FAM107A: variants seen among roughly 807,000 people sequenced by gnomAD.
The protein encoded by FAM107A is actin-associated protein FAM107A.
A neutral mutation model predicts 13.7 loss-of-function variants in FAM107A; 19 were observed. The ratio of observed to expected loss-of-function variants is 1.38; its 90% CI spans 0.97 to 2.03. The LOEUF is 2.03. FAM107A is among the 30% of genes most tolerant of loss of function. FAM107A has a pLI of 0.00. For synonymous variants in FAM107A, 82 were observed against 74.5 expected, an observed-to-expected ratio of 1.10 and a Z score of -0.52; for missense variants, 203 against 184.4, an observed-to-expected ratio of 1.10 and a Z score of -0.58.
At position 58,566,462 on chromosome 3, in the gene FAM107A, T is replaced by C. The variant is rs1182576423; in HGVS notation, c.*126A>G. The C allele has an allele frequency of 1.3e-5, 9 of 712,510 alleles. No homozygotes were observed. The South Asian group carries it at 1.4e-4, about 11-fold the overall frequency. The allele number at this position is 712,510 out of a possible 1,614,324, so 44.1% of individuals were successfully genotyped here. Reference sequence around the variant, plus strand: ...GCCAGGCCCTCTGGGGTGACACATTTCTACAGAAGCAGGTGGGAACATCAC... The same window carrying C: ...GCCAGGCCCTCTGGGGTGACACATTCCTACAGAAGCAGGTGGGAACATCAC... On this transcript the variant is annotated 3_prime_UTR_variant, in exon 4 of 4. Transcript: ENST00000360997.
At chr3:58,595,098 C>A (rs1423036480) in intron 1 of FAM107A, among the ~76,000 whole-genome samples, 1 of 151,904 alleles carries the variant, frequency 6.6e-6, no homozygotes, top group East Asian at 1.9e-4. Context: ...CCAAATCTTT[C>A]TTCAGTTTAA....
chr3:58,624,767 CGCT>C lies in FAM107A; in HGVS notation c.-70+2646_-70+2648del, dbSNP rs1432591492. On this transcript the variant is annotated intron_variant, in intron 1 of 3. Coordinates refer to the FAM107A transcript ENST00000465970. Reference sequence around the variant, plus strand: ...TGCCTAAGAGGAATAGAAGCAACAACGCTGTGTTTTGACTCCTGGCCCAGGGGT... The same window carrying C: ...TGCCTAAGAGGAATAGAAGCAACAACGTGTTTTGACTCCTGGCCCAGGGGT... Among the ~76,000 whole-genome samples, 13 of 150,366 alleles carry C rather than the reference CGCT, an allele frequency of 8.6e-5. No individual in the cohort carries two copies. The East Asian group carries it at 2.6e-3, about 30-fold the overall frequency.
Position 58,604,269 on chromosome 3 carries a change from G to A in FAM107A, c.-69-15000C>T, listed in dbSNP as rs2065775319. Among the ~76,000 whole-genome samples, 1 of 152,022 alleles carries A rather than the reference G, an allele frequency of 6.6e-6. No individual in the cohort carries two copies. The highest frequency in any genetic ancestry group is 1.5e-5 in the Non-Finnish European group (1 of 68,004). On this transcript the variant is annotated intron_variant, in intron 1 of 3. Transcript: ENST00000465970. The surrounding 1 kb of genome is among the most constrained non-coding windows in gnomAD (Gnocchi z 4.1). ...CCCACAATTCAACATTATTATACTT[G>A]GGAGAGTGACATCCCAACTCGTGCT...
chr3:58,622,623 G>T (rs548392050), intron 1 of FAM107A, among the ~76,000 whole-genome samples: 8 of 152,342 alleles, frequency 5.3e-5, no homozygotes, highest in African/African-American at 1.7e-4. Context: ...AGCAGGTGGG[G>T]CAAGCCCTGC....
upstream of FAM107A, among the ~76,000 whole-genome samples, chr3:58,588,405 G>C (rs1244750846): frequency 6.6e-6 from 1 of 152,178 alleles, no homozygotes; most frequent in Non-Finnish European, 1.5e-5. Flanking sequence ...TCCAGCTTCT[G>C]CTCTGACTCA....
At chr3:58,627,300 CTG>C (rs1182338900) in intron 1 of FAM107A, 2 of 426,540 alleles carry the variant, frequency 4.7e-6, no homozygotes, top group Non-Finnish European at 8.4e-6. Context: ...GGAAGGGAAA[CTG>C]AGGCAGCTGG....
intron 1 of FAM107A, among the ~76,000 whole-genome samples, chr3:58,624,481 C>A (rs2065990608): frequency 6.6e-6 from 1 of 150,914 alleles, no homozygotes; most frequent in South Asian, 2.1e-4. Flanking sequence ...CTCTGCCCAC[C>A]CCACAGCTGG....
upstream of FAM107A, among the ~76,000 whole-genome samples, chr3:58,587,732 T>C (rs1248763906): frequency 6.6e-6 from 1 of 152,060 alleles, no homozygotes; most frequent in African/African-American, 2.4e-5. Flanking sequence ...GCCAATCAGG[T>C]CTAAAGGTGG....
Position 58,567,376 on chromosome 3 carries a change from A to T in FAM107A, c.171-12T>A. On this transcript the variant is annotated splice_polypyrimidine_tract_variant and intron_variant, in intron 2 of 3. Coordinates refer to ENST00000360997, the MANE Select transcript of FAM107A (RefSeq NM_001076778.3). ...CCACACCAAGGCCCCTGGGGTGGGA[A>T]GTGGGGAGCTGTCAGGAGACCATCA... 1 of 1,606,398 alleles carries T rather than the reference A, an allele frequency of 6.2e-7. No individual in the cohort carries two copies. Among genetic ancestry groups the T allele is most frequent in the East Asian group, 2.2e-5 (1 of 44,568 alleles).
chr3:58,608,195 T>C (rs1028051840), intron 1 of FAM107A, among the ~76,000 whole-genome samples: 1 of 152,136 alleles, frequency 6.6e-6, no homozygotes, highest in Non-Finnish European at 1.5e-5. Context: ...AGATAATAAA[T>C]AGAAAGCACC....
At chr3:58,605,344 C>T (rs1007603367) in intron 1 of FAM107A, among the ~76,000 whole-genome samples, 3 of 152,238 alleles carry the variant, frequency 2.0e-5, no homozygotes, top group Non-Finnish European at 1.5e-5. Flanking sequence ...ACCTGTGGGT[C>T]ATGGGGGACC....
At chr3:58,618,040 C>T (rs2108084000) in intron 1 of FAM107A, among the ~76,000 whole-genome samples, 1 of 152,244 alleles carries the variant, frequency 6.6e-6, no homozygotes, top group African/African-American at 2.4e-5. Context: ...ACATCGATAC[C>T]TTTGTGGCTG....
intron 1 of FAM107A, among the ~76,000 whole-genome samples, chr3:58,626,758 G>A (rs11708352): frequency 0.078 from 11,853 of 152,200 alleles, 508 homozygotes; most frequent in African/African-American, 0.099. Flanking sequence ...GGCTGCCCCC[G>A]AGTCTGTCCT....
intron 1 of FAM107A, among the ~76,000 whole-genome samples, chr3:58,602,798 A>T (rs112465722): frequency 0.01 from 1,536 of 152,340 alleles, 20 homozygotes; most frequent in African/African-American, 0.034. Flanking sequence ...TACTTATATC[A>T]ATTAAAGTAA....
At position 58,566,608 on chromosome 3, in the gene FAM107A, T is replaced by C. The variant is rs775820732; in HGVS notation, c.415A>G (p.Ser139Gly). 6.2e-7 allele frequency: 1 copy of C among 1,613,724 alleles called. No homozygotes were observed. Among genetic ancestry groups the C allele is most frequent in the Non-Finnish European group, 8.5e-7 (1 of 1,179,816 alleles). ...ENLRRIATLT[S>G]EEREL ...TGGCCCTACAGCTCTCTCTCTTCGC[T>C]GGTCAGTGTGGCAATTCTCCGCAGG... is the stretch of plus-strand genomic sequence containing the variant. Residue 139 changes from serine to glycine, a missense_variant, in exon 4 of 4, where the codon AGC becomes GGC. Ser to Gly is a moderately conservative substitution (Grantham distance 56). Transcript: ENST00000360997.
Position 58,569,104 on chromosome 3 carries a change from G to T in FAM107A, c.170+587C>A, listed in dbSNP as rs1253831014. Among the ~76,000 whole-genome samples, 4 of 152,088 alleles carry T rather than the reference G, an allele frequency of 2.6e-5. No homozygotes were observed. Among genetic ancestry groups the T allele is most frequent in the African/African-American group, 9.7e-5 (4 of 41,398 alleles). ...ATCCTTCTGCCCTGGCCTGCACCACGCAATCGATGCCCCAGGCACAGTGAG... is the reference window on the plus strand; with the variant it reads ...ATCCTTCTGCCCTGGCCTGCACCACTCAATCGATGCCCCAGGCACAGTGAG... On this transcript the variant is annotated intron_variant, in intron 2 of 3. Transcript: ENST00000360997. This position sits in a 1 kb window ranked among gnomAD's most constrained non-coding sequence, Gnocchi z 5.7.
At chr3:58,620,736 C>T (rs903699119) in intron 1 of FAM107A, among the ~76,000 whole-genome samples, 3 of 152,194 alleles carry the variant, frequency 2.0e-5, no homozygotes, top group Non-Finnish European at 1.5e-5. Flanking sequence ...TCTCTTGTTG[C>T]CTTTGTGCAG....
intron 1 of FAM107A, among the ~76,000 whole-genome samples, chr3:58,606,340 C>G (rs1044998938): frequency 6.6e-6 from 1 of 152,248 alleles, no homozygotes; most frequent in African/African-American, 2.4e-5. Flanking sequence ...AAGTGATCCA[C>G]CTGCCTTGGC....
intron 1 of FAM107A, among the ~76,000 whole-genome samples, chr3:58,576,967 A>G (rs1445839857): frequency 2.6e-5 from 4 of 152,248 alleles, no homozygotes. Flanking sequence ...TGTGCTGAGA[A>G]TTAAACCCCC....
Sources: gnomAD v4.1 joint callset for allele counts (sites outside exome capture counted in the v4.1 genomes callset) on GRCh38, gnomAD v4.1.1 for gene constraint, Gnocchi (gnomAD v3.1) non-coding constraint, MANE v1.5 for transcripts, NCBI Gene and HGNC (gene_info 2026-07-23, HGNC 2026-07-21) for gene names.